PTPRD: variants seen among roughly 807,000 people sequenced by gnomAD.
The protein encoded by PTPRD is protein tyrosine phosphatase receptor type D, also known as receptor-type tyrosine-protein phosphatase delta.
PTPRD carries 34 observed loss-of-function variants against 214.5 expected under a neutral mutation model. The observed-to-expected ratio is 0.16, with a 90% CI of 0.12 to 0.21. The LOEUF is 0.21. PTPRD is among the 10% of genes least tolerant of loss of function. The pLI, the probability that PTPRD is intolerant of heterozygous loss-of-function variation, is 1.00. For missense variants in PTPRD, 2,545 were observed against 2,398.7 expected (o/e 1.06, Z -1.27); for synonymous variants, 1,128 against 845.7 (o/e 1.33, Z -5.79).
chr9:9,302,360 T>C (rs373592333), intron 9 of PTPRD, among the ~76,000 whole-genome samples: 18 of 152,076 alleles, frequency 1.2e-4, no homozygotes, highest in African/African-American at 4.3e-4. Flanking sequence ...CAATTGTTAT[T>C]GATAGGCAGC....
At chr9:8,788,402 A>C (rs1014609719) in intron 11 of PTPRD, among the ~76,000 whole-genome samples, 1 of 151,480 alleles carries the variant, frequency 6.6e-6, no homozygotes, top group African/African-American at 2.4e-5. Context: ...CAGCCTCCCG[A>C]GTAGCTGGGA....
At chr9:9,712,277 T>C (rs1165427039) in intron 7 of PTPRD, among the ~76,000 whole-genome samples, 1 of 152,160 alleles carries the variant, frequency 6.6e-6, no homozygotes, top group Non-Finnish European at 1.5e-5. Flanking sequence ...AATTCGGTAA[T>C]AACCATAAGC....
chr9:8,829,214 A>T (rs1007135996), intron 11 of PTPRD, among the ~76,000 whole-genome samples: 1 of 152,206 alleles, frequency 6.6e-6, no homozygotes, highest in Non-Finnish European at 1.5e-5. Flanking sequence ...ATCCTTATCA[A>T]GATATACAAC....
intron 3 of PTPRD, among the ~76,000 whole-genome samples, chr9:10,287,155 T>C (rs1378743486): frequency 6.6e-6 from 1 of 152,194 alleles, no homozygotes; most frequent in Non-Finnish European, 1.5e-5. Flanking sequence ...TTCTATAGTT[T>C]AGACTATTAA....
chr9:9,693,528 A>G (rs2097313100), intron 7 of PTPRD, among the ~76,000 whole-genome samples: 1 of 152,086 alleles, frequency 6.6e-6, no homozygotes, highest in Non-Finnish European at 1.5e-5. Flanking sequence ...TGTTCTTTAT[A>G]GCCGTGTGAA....
chr9:9,435,013 T>C (rs1214194230), intron 8 of PTPRD, among the ~76,000 whole-genome samples: 1 of 151,606 alleles, frequency 6.6e-6, no homozygotes, highest in Non-Finnish European at 1.5e-5. Context: ...AGACAAAGAG[T>C]ATTTAAGAAT....
rs145179522 is a variant in PTPRD, at chr9:9,953,969, T to C, written c.-471-15359A>G. The stretch of plus-strand genomic sequence containing the variant: ...AAATTATATTTTTCCATCCATTTGC[T>C]ACCTTGAAGGACTCTAGGTATATAG... On this transcript the variant is annotated intron_variant, in intron 4 of 45. Transcript: ENST00000381196. 2.9e-3 allele frequency among the ~76,000 whole-genome samples: 440 copies of C among 152,236 alleles called. 1 individual carries two copies. The highest frequency in any genetic ancestry group is 9.7e-3 in the African/African-American group (404 of 41,532).
chr9:8,644,190 G>A (rs556389916), intron 12 of PTPRD, among the ~76,000 whole-genome samples: 1 of 151,818 alleles, frequency 6.6e-6, no homozygotes, highest in African/African-American at 2.4e-5. Context: ...GAGAACTGAG[G>A]ACTTGCTTAA....
At chr9:10,473,276 G>A (rs762473149) in intron 2 of PTPRD, among the ~76,000 whole-genome samples, 1 of 152,032 alleles carries the variant, frequency 6.6e-6, no homozygotes, top group African/African-American at 2.4e-5. Flanking sequence ...AAAAATTCAT[G>A]TTGAAAGTAG....
At chr9:8,956,554 T>C (rs907390278) in intron 11 of PTPRD, among the ~76,000 whole-genome samples, 3 of 151,816 alleles carry the variant, frequency 2.0e-5, no homozygotes, top group East Asian at 1.9e-4. Flanking sequence ...TAGTGGGCTA[T>C]GTGTAAATTT....
chr9:9,583,849 T>C (rs1173664087), intron 7 of PTPRD, among the ~76,000 whole-genome samples: 1 of 152,028 alleles, frequency 6.6e-6, no homozygotes, highest in Non-Finnish European at 1.5e-5. Flanking sequence ...ATTCTGAAAA[T>C]ATACAGCAGC....
At chr9:8,759,626 T>C (rs369091804) in intron 11 of PTPRD, among the ~76,000 whole-genome samples, 1 of 58,130 alleles carries the variant, frequency 1.7e-5, no homozygotes, top group Non-Finnish European at 6.8e-5. Context: ...TTTTTTTTTT[T>C]TTTTTGTCCT....
At position 10,437,802 on chromosome 9, in the gene PTPRD, A is replaced by G. The variant is rs183573752; in HGVS notation, c.-599-96785T>C. On this transcript the variant is annotated intron_variant, in intron 2 of 45. Transcript: ENST00000381196. Reference sequence around the variant, plus strand: ...ATATATATATCTGATAAAATGCTATATATATCTGATAAAATGCCTTTCACT... The same window carrying G: ...ATATATATATCTGATAAAATGCTATGTATATCTGATAAAATGCCTTTCACT... Among the ~76,000 whole-genome samples, 11 of 151,068 alleles carry G rather than the reference A, an allele frequency of 7.3e-5. No homozygotes were observed. The East Asian group carries it at 9.8e-4, about 13-fold the overall frequency.
intron 10 of PTPRD, among the ~76,000 whole-genome samples, chr9:9,164,141 A>G (rs1299207351): frequency 6.6e-6 from 1 of 152,256 alleles, no homozygotes; most frequent in South Asian, 2.1e-4. Flanking sequence ...CAAATTTATT[A>G]TACTTCTGGA....
At chr9:8,910,141 C>T (rs77332088) in intron 11 of PTPRD, among the ~76,000 whole-genome samples, 2,861 of 152,106 alleles carry the variant, frequency 0.019, 86 homozygotes, top group African/African-American at 0.064. Context: ...CAGGTTCACA[C>T]CCTTCTCCTG....
intron 12 of PTPRD, among the ~76,000 whole-genome samples, chr9:8,651,159 T>C (rs1235097161): frequency 1.3e-5 from 2 of 152,228 alleles, no homozygotes; most frequent in Non-Finnish European, 2.9e-5. Flanking sequence ...TATTCATATA[T>C]GCAAGATGAT....
At chr9:9,671,069 A>T (rs1375379265) in intron 7 of PTPRD, among the ~76,000 whole-genome samples, 1 of 152,196 alleles carries the variant, frequency 6.6e-6, no homozygotes, top group Non-Finnish European at 1.5e-5. Flanking sequence ...ACAGACACTC[A>T]ATGCCAGCTC....
intron 3 of PTPRD, among the ~76,000 whole-genome samples, chr9:10,144,609 A>G (rs774798550): frequency 6.6e-6 from 1 of 152,120 alleles, no homozygotes; most frequent in Non-Finnish European, 1.5e-5. Flanking sequence ...CATCTATTTC[A>G]TTTCTACTGG....
At chr9:9,441,374 T>G (rs2087692612) in intron 8 of PTPRD, among the ~76,000 whole-genome samples, 1 of 152,122 alleles carries the variant, frequency 6.6e-6, no homozygotes, top group African/African-American at 2.4e-5. Flanking sequence ...GGTAAAAAGG[T>G]AGAAATAAAC....
Sources: allele counts gnomAD v4.1 joint callset (sites outside exome capture counted in the v4.1 genomes callset), GRCh38; gene constraint gnomAD v4.1.1; transcripts MANE v1.5; gene names NCBI Gene and HGNC (gene_info 2026-07-23, HGNC 2026-07-21).